The following SYT16 variants were observed in gnomAD, a reference collection of about 807,000 sequenced individuals.
SYT16 encodes synaptotagmin-16.
In SYT16, 42 loss-of-function variants were observed where a neutral mutation model predicts 61.4. The observed-to-expected ratio is 0.68, with a 90% CI of 0.53 to 0.89. SYT16 has a LOEUF of 0.89. SYT16 is among the 40% of genes least tolerant of loss of function. The pLI, the probability that SYT16 is intolerant of heterozygous loss-of-function variation, is 0.00. For synonymous variants in SYT16, 314 were observed against 302.3 expected, an observed-to-expected ratio of 1.04 and a Z score of -0.40; for missense variants, 804 against 807.3, an observed-to-expected ratio of 1.00 and a Z score of 0.05.
intron 1 of SYT16, among the ~76,000 whole-genome samples, chr14:61,903,375 C>T (rs2048589290): frequency 1.3e-5 from 2 of 151,882 alleles, no homozygotes; most frequent in Admixed American, 6.6e-5. Flanking sequence ...CCGCCTTATT[C>T]GTCTTTGTGC....
At chr14:62,060,199 T>C (rs1479983688) in intron 3 of SYT16, among the ~76,000 whole-genome samples, 1 of 152,122 alleles carries the variant, frequency 6.6e-6, no homozygotes, top group Non-Finnish European at 1.5e-5. Flanking sequence ...TGAGGGAAAT[T>C]AGCATCTTAA....
At chr14:62,069,047 C>T (rs538461519) in intron 3 of SYT16, among the ~76,000 whole-genome samples, 8 of 152,292 alleles carry the variant, frequency 5.3e-5, no homozygotes, top group South Asian at 4.1e-4. Flanking sequence ...CTGCCCACCT[C>T]GGCCTCCCAA....
chr14:61,983,787 C>T (rs894757841), intron 2 of SYT16, among the ~76,000 whole-genome samples: 2 of 152,196 alleles, frequency 1.3e-5, no homozygotes, highest in African/African-American at 2.4e-5. Flanking sequence ...GTTGGCCACT[C>T]AAAGTCCAGG....
At chr14:61,892,233 C>G (rs1001636522) in intron 1 of SYT16, among the ~76,000 whole-genome samples, 3 of 152,070 alleles carry the variant, frequency 2.0e-5, no homozygotes, top group African/African-American at 7.2e-5. Context: ...CTACCTTCCT[C>G]ACACCACCCT....
Position 62,017,644 on chromosome 14 carries a change from A to G in SYT16, c.523+21102A>G, listed in dbSNP as rs2053744379. Among the ~76,000 whole-genome samples the G allele has an allele frequency of 5.3e-5, 8 of 152,056 alleles. No individual in the cohort carries two copies. In the South Asian group the frequency reaches 1.7e-3, roughly 32 times the overall value. Reference sequence around the variant, plus strand: ...AACTCTGGTTGGCTCTACCATTACAATATATCTAAACTCAGGCTGCGTCTT... The same window carrying G: ...AACTCTGGTTGGCTCTACCATTACAGTATATCTAAACTCAGGCTGCGTCTT... On this transcript the variant is annotated intron_variant, in intron 3 of 7. Coordinates refer to ENST00000683842, the MANE Select transcript of SYT16 (RefSeq NM_001367656.1).
In SYT16 at chr14:62,103,294, C is replaced by T. The variant is rs902274786; in HGVS notation, c.*2587C>T. 2.0e-5 allele frequency: 3 copies of T among 152,180 alleles called. No homozygotes were observed. The highest frequency in any genetic ancestry group is 7.2e-5 in the African/African-American group (3 of 41,432). The allele number at this position is 152,180 out of a possible 1,614,324, so 9.4% of individuals were successfully genotyped here. On this transcript the variant is annotated 3_prime_UTR_variant, in exon 8 of 8. Coordinates refer to ENST00000683842, the MANE Select transcript of SYT16 (RefSeq NM_001367656.1). The stretch of plus-strand genomic sequence containing the variant: ...TATGAAAGATAATTAGTTGGTTCTG[C>T]AGTAAAAAACTGCTTTTGCCTATTT...
chr14:62,072,973 C>G (rs2056354956), intron 4 of SYT16, among the ~76,000 whole-genome samples: 3 of 152,144 alleles, frequency 2.0e-5, no homozygotes, highest in African/African-American at 7.2e-5. Context: ...CAGGCAATTA[C>G]TTTTGTGCGT....
chr14:61,914,971 C>T (rs776854507), intron 1 of SYT16, among the ~76,000 whole-genome samples: 5 of 152,108 alleles, frequency 3.3e-5, no homozygotes, highest in African/African-American at 1.2e-4. Flanking sequence ...TGATCTGGTG[C>T]GGCCTCATCT....
At chr14:61,876,786 A>G (rs1308041687) in intron 1 of SYT16, among the ~76,000 whole-genome samples, 4 of 152,212 alleles carry the variant, frequency 2.6e-5, no homozygotes, top group African/African-American at 9.6e-5. Flanking sequence ...TTTGCCCCGC[A>G]GGTAGGTAGG....
chr14:61,954,951 A>T (rs1229734382), intron 1 of SYT16, among the ~76,000 whole-genome samples: 1 of 152,162 alleles, frequency 6.6e-6, no homozygotes, highest in Non-Finnish European at 1.5e-5. Flanking sequence ...TAAAAAATAT[A>T]TATATTTTGA....
chr14:61,946,288 A>G (rs1209911647), intron 1 of SYT16, among the ~76,000 whole-genome samples: 1 of 152,210 alleles, frequency 6.6e-6, no homozygotes, highest in Non-Finnish European at 1.5e-5. Flanking sequence ...TAACACAGAA[A>G]CAGAAAGTCA....
chr14:61,858,120 CAAAAA>C (rs34781118), intron 1 of SYT16, among the ~76,000 whole-genome samples: 23 of 43,216 alleles, frequency 5.3e-4, no homozygotes, highest in South Asian at 4.3e-3. Flanking sequence ...CACAGCTTGG[CAAAAA>C]AAAAAAAAAA....
At chr14:61,997,373 T>A (rs1377775036) in intron 3 of SYT16, among the ~76,000 whole-genome samples, 9 of 152,052 alleles carry the variant, frequency 5.9e-5, no homozygotes, top group Non-Finnish European at 1.3e-4. Context: ...ATTTATGTGA[T>A]CTAAAGACAA....
At chr14:61,846,389 G>A (rs1211472140) in intron 1 of SYT16, among the ~76,000 whole-genome samples, 4 of 152,174 alleles carry the variant, frequency 2.6e-5, no homozygotes, top group South Asian at 4.2e-4. Context: ...CTGCTGAATC[G>A]ACCCCTTTAT....
intron 1 of SYT16, among the ~76,000 whole-genome samples, chr14:61,896,088 T>G (rs996044607): frequency 1.3e-5 from 2 of 152,082 alleles, no homozygotes; most frequent in Non-Finnish European, 2.9e-5. Context: ...TTTTTTTTTT[T>G]TGGAACTTGG....
intron 1 of SYT16, among the ~76,000 whole-genome samples, chr14:61,873,491 A>T (rs2047394556): frequency 6.6e-6 from 1 of 152,194 alleles, no homozygotes; most frequent in Non-Finnish European, 1.5e-5. Flanking sequence ...CTTACTGCCT[A>T]TGCCCATTGG....
rs188067892 is a variant in SYT16, at chr14:62,090,717, A to T, written c.1624+6332A>T. On this transcript the variant is annotated intron_variant, in intron 7 of 7. Transcript: ENST00000683842. ...AATATTAAAAGCAATAGAAAAGAAA[A>T]GATAGTTACTATGGTGTATTAGTCT... 1.2e-3 allele frequency among the ~76,000 whole-genome samples: 182 copies of T among 152,298 alleles called. 1 individual carries two copies. The highest frequency in any genetic ancestry group is 4.0e-3 in the African/African-American group (167 of 41,572).
chr14:61,895,927 GT>G (rs566612945), intron 1 of SYT16, among the ~76,000 whole-genome samples: 286 of 152,274 alleles, frequency 1.9e-3, no homozygotes, highest in African/African-American at 6.6e-3. Flanking sequence ...ACCTCTTAGG[GT>G]TTTATCTCCA....
intron 1 of SYT16, among the ~76,000 whole-genome samples, chr14:61,833,706 C>CTTTTTTTTTTT (rs11357318): frequency 8.3e-5 from 4 of 48,356 alleles, no homozygotes; most frequent in Admixed American, 2.6e-4. Flanking sequence ...CCAGCAGTGG[C>CTTTTTTTTTTT]TTTTTTTTTT....
Sources: allele counts gnomAD v4.1 joint callset (sites outside exome capture counted in the v4.1 genomes callset), GRCh38; gene constraint gnomAD v4.1.1; transcripts MANE v1.5; gene names NCBI Gene and HGNC (gene_info 2026-07-23, HGNC 2026-07-21).